Variants in EPHA6 observed in about 807,000 individuals in gnomAD.
EPHA6 encodes EPH receptor A6.
EPHA6 carries 50 observed loss-of-function variants against 112.0 expected under a neutral mutation model. The ratio of observed to expected loss-of-function variants is 0.45; its 90% CI spans 0.36 to 0.56. The LOEUF is 0.56. Ranked by LOEUF, EPHA6 falls within the 20% of genes least tolerant of loss-of-function variation. The probability of loss-of-function intolerance (pLI) is 0.00; values close to 1 mark genes in which losing one functional copy is unlikely to be tolerated. For missense variants in EPHA6, 1,280 were observed against 1,417.4 expected, an observed-to-expected ratio of 0.90 and a Z score of 1.56; for synonymous variants, 529 against 490.7, an observed-to-expected ratio of 1.08 and a Z score of -1.03.
At chr3:97,416,875 A>G (rs1205095875) in intron 6 of EPHA6, among the ~76,000 whole-genome samples, 2 of 152,132 alleles carry the variant, frequency 1.3e-5, no homozygotes, top group Non-Finnish European at 2.9e-5. Context: ...ATCATTCAGG[A>G]AACTAATCTA....
intron 11 of EPHA6, among the ~76,000 whole-genome samples, chr3:97,563,040 A>G (rs1003124023): frequency 4.6e-5 from 7 of 152,206 alleles, no homozygotes; most frequent in African/African-American, 1.7e-4. Flanking sequence ...TTTTATATGC[A>G]CTTGGAAACC....
intron 3 of EPHA6, among the ~76,000 whole-genome samples, chr3:97,198,595 G>A (rs773530090): frequency 5.9e-5 from 9 of 152,086 alleles, no homozygotes; most frequent in East Asian, 1.9e-4. Flanking sequence ...TGAGCTCCTC[G>A]CTTTGGCCCC....
chr3:97,415,759 A>G (rs2088073248), intron 6 of EPHA6, among the ~76,000 whole-genome samples: 1 of 152,104 alleles, frequency 6.6e-6, no homozygotes, highest in Non-Finnish European at 1.5e-5. Flanking sequence ...TTAAATGATC[A>G]GTAACAAAAT....
intron 2 of EPHA6, among the ~76,000 whole-genome samples, chr3:96,984,553 TG>T (rs150951502): frequency 0.065 from 9,879 of 152,264 alleles, 992 homozygotes; most frequent in African/African-American, 0.21. Flanking sequence ...AAATCCATGC[TG>T]GGAGAACCAC....
At chr3:97,677,300 C>T (rs1182567054) in intron 14 of EPHA6, among the ~76,000 whole-genome samples, 1 of 152,012 alleles carries the variant, frequency 6.6e-6, no homozygotes, top group Non-Finnish European at 1.5e-5. Flanking sequence ...ATTAAGTTAA[C>T]ATTGATTTTA....
At chr3:97,178,552 C>T (rs189536265) in intron 3 of EPHA6, among the ~76,000 whole-genome samples, 77 of 152,096 alleles carry the variant, frequency 5.1e-4, no homozygotes, top group African/African-American at 1.5e-3. Context: ...TGATTAAATC[C>T]GTCAGCTTTT....
At chr3:97,645,521 G>T (rs1441266717) in intron 14 of EPHA6, among the ~76,000 whole-genome samples, 1 of 119,972 alleles carries the variant, frequency 8.3e-6, no homozygotes, top group East Asian at 2.9e-4. Context: ...GTGGTGGGGT[G>T]GGGGGAGGGG....
chr3:97,046,480 A>G (rs1463379869), intron 3 of EPHA6, among the ~76,000 whole-genome samples: 2 of 152,198 alleles, frequency 1.3e-5, no homozygotes, highest in African/African-American at 4.8e-5. Flanking sequence ...GAAGAATTGA[A>G]AGACATGACA....
At chr3:97,332,726 C>T (rs1034540779) in intron 5 of EPHA6, among the ~76,000 whole-genome samples, 1 of 152,084 alleles carries the variant, frequency 6.6e-6, no homozygotes, top group Non-Finnish European at 1.5e-5. Flanking sequence ...TATAGACTTA[C>T]TCCACTGAAT....
intron 5 of EPHA6, among the ~76,000 whole-genome samples, chr3:97,355,950 G>T (rs1363729425): frequency 6.6e-6 from 1 of 152,130 alleles, no homozygotes; most frequent in Non-Finnish European, 1.5e-5. Context: ...GTCATTATAT[G>T]ATGATAAAAG....
chr3:97,608,821 G>GGT (rs1046795621), intron 12 of EPHA6, among the ~76,000 whole-genome samples: 1 of 151,228 alleles, frequency 6.6e-6, no homozygotes, highest in African/African-American at 2.4e-5. Context: ...TGACTAACAG[G>GGT]GTGAGACTTG....
chr3:97,361,628 C>G (rs2084378745), intron 5 of EPHA6, among the ~76,000 whole-genome samples: 2 of 152,082 alleles, frequency 1.3e-5, no homozygotes, highest in Non-Finnish European at 2.9e-5. Flanking sequence ...TGCCATGTGG[C>G]AAGAAGTTGA....
In EPHA6 at chr3:96,998,920, A is replaced by T. The variant is rs1283454464; in HGVS notation, c.1114+10927A>T. Among the ~76,000 whole-genome samples, 9 of 152,094 alleles carry T rather than the reference A, an allele frequency of 5.9e-5. No individual in the cohort carries two copies. The South Asian group carries it at 1.9e-3, about 32-fold the overall frequency. ...TTTTCACTTTGACTATGCCTAGTTAAGAGTTTACCTCATCTGTTGAGATAT... is the reference window on the plus strand; with the variant it reads ...TTTTCACTTTGACTATGCCTAGTTATGAGTTTACCTCATCTGTTGAGATAT... On this transcript the variant is annotated intron_variant, in intron 3 of 17. Transcript: ENST00000389672.
chr3:97,618,457 A>G (rs915098361), intron 13 of EPHA6, among the ~76,000 whole-genome samples: 1 of 152,030 alleles, frequency 6.6e-6, no homozygotes, highest in East Asian at 1.9e-4. Context: ...ATGAAAAACC[A>G]TTGAAAAGCT....
intron 4 of EPHA6, among the ~76,000 whole-genome samples, chr3:97,241,239 GTT>G: frequency 6.6e-6 from 1 of 151,786 alleles, no homozygotes; most frequent in Non-Finnish European, 1.5e-5. Flanking sequence ...TTAAGTTGTA[GTT>G]TTTAGGTAGT....
At chr3:97,500,634 C>G (rs1451567657) in intron 10 of EPHA6, among the ~76,000 whole-genome samples, 1 of 152,128 alleles carries the variant, frequency 6.6e-6, no homozygotes, top group Admixed American at 6.6e-5. Context: ...GATGGAGAGA[C>G]AGATCCAAAC....
rs144015152 is a variant in EPHA6 at position 96,946,369 on chromosome 3, C to T, written c.451-40961C>T. On this transcript the variant is annotated intron_variant, in intron 2 of 17. Coordinates refer to ENST00000389672, the MANE Select transcript of EPHA6 (RefSeq NM_001080448.3). ...GCCCCGGTGTGTGATGTTACTCTTC[C>T]TGTGTCCAAGTGTTCTCATTGTTCA... 7.1e-3 allele frequency among the ~76,000 whole-genome samples: 1,069 copies of T among 151,630 alleles called. 15 individuals are homozygous for T. Among genetic ancestry groups the T allele is most frequent in the African/African-American group, 0.024 (986 of 41,294 alleles).
chr3:97,555,779 T>G (rs1041866701), intron 11 of EPHA6, among the ~76,000 whole-genome samples: 2 of 152,106 alleles, frequency 1.3e-5, no homozygotes, highest in East Asian at 3.9e-4. Flanking sequence ...GGGTTGTTTG[T>G]TTTTTTCTTG....
rs1245702933 is a variant in EPHA6, at chr3:97,558,805, T to C, written c.2386+26262T>C. Among the ~76,000 whole-genome samples the C allele has an allele frequency of 3.3e-5, 5 of 151,878 alleles. No homozygotes were observed. In the East Asian group the frequency reaches 9.6e-4, roughly 29 times the overall value. On this transcript the variant is annotated intron_variant, in intron 11 of 17. Coordinates refer to ENST00000389672, the MANE Select transcript of EPHA6 (RefSeq NM_001080448.3). ...TCATGGTCCACTGTATCCCTGGACTTACAAAGAAAATCCAGAGTTAGAACA... is the reference window on the plus strand; with the variant it reads ...TCATGGTCCACTGTATCCCTGGACTCACAAAGAAAATCCAGAGTTAGAACA...
Sources: allele counts gnomAD v4.1 joint callset (sites outside exome capture counted in the v4.1 genomes callset), GRCh38; gene constraint gnomAD v4.1.1; transcripts MANE v1.5; gene names NCBI Gene and HGNC (gene_info 2026-07-23, HGNC 2026-07-21).